Variants in EPHX2 observed in about 807,000 individuals in gnomAD.
EPHX2 encodes epoxide hydrolase 2.
EPHX2 carries 74 observed loss-of-function variants against 78.7 expected under a neutral mutation model. That is an observed-to-expected ratio of 0.94 (90% confidence interval 0.78 to 1.14). The LOEUF (loss-of-function observed/expected upper bound fraction) is 1.14, where lower values mean the gene tolerates loss of function less well. EPHX2 is among the 50% of genes most tolerant of loss of function. The pLI, the probability that EPHX2 is intolerant of heterozygous loss-of-function variation, is 0.00. For missense variants in EPHX2, 715 were observed against 702.5 expected (o/e 1.02, Z -0.20); for synonymous variants, 251 against 255.2 (o/e 0.98, Z 0.16).
chr8:27,547,296 T>G (rs1257505612), downstream of EPHX2, among the ~76,000 whole-genome samples: 1 of 152,206 alleles, frequency 6.6e-6, no homozygotes, highest in Non-Finnish European at 1.5e-5. Context: ...GGGCCACACG[T>G]CAACTGTTGC....
intron 6 of EPHX2, among the ~76,000 whole-genome samples, chr8:27,513,197 C>G (rs1814318138): frequency 6.6e-6 from 1 of 152,138 alleles, no homozygotes; most frequent in Admixed American, 6.5e-5. Context: ...AAGTGGGCAT[C>G]CAGGCACGAG....
chr8:27,543,562 A>G (rs1437686884), intron 16 of EPHX2, among the ~76,000 whole-genome samples, 187 bp from the exon 17 acceptor site: 2 of 152,056 alleles, frequency 1.3e-5, no homozygotes, highest in East Asian at 1.9e-4. Flanking sequence ...TAAGACCCAT[A>G]TTGGCCTCTG....
rs753062091 is a variant in EPHX2, at chr8:27,503,593, C to T, written c.187-11C>T. The stretch of plus-strand genomic sequence containing the variant: ...GGCCATACAAATTGTCCCCTCACTT[C>T]ACTTTGACAGTGGATACCACTCATG... On this transcript the variant is annotated splice_polypyrimidine_tract_variant and intron_variant, in intron 2 of 18. Transcript: ENST00000521400. The T allele has an allele frequency of 3.1e-6, 5 of 1,603,008 alleles. No individual in the cohort carries two copies. The Admixed American group carries it at 8.5e-5, about 27-fold the overall frequency.
chr8:27,504,636 A>C (rs892813896), intron 3 of EPHX2, among the ~76,000 whole-genome samples: 1 of 152,012 alleles, frequency 6.6e-6, no homozygotes, highest in Non-Finnish European at 1.5e-5. Flanking sequence ...GGCCCTGTCC[A>C]CCCCTGAGGT....
chr8:27,515,547 G>A lies in EPHX2; in HGVS notation c.736-171G>A, dbSNP rs573860826. 3 of 591,430 alleles carry A rather than the reference G, an allele frequency of 5.1e-6. No homozygotes were observed. In the South Asian group the frequency reaches 6.3e-5, roughly 12 times the overall value. 36.6% of individuals were successfully genotyped at this position (591,430 alleles called of 1,614,324 possible). A position where few individuals can be genotyped will look rare whatever the true frequency, so the allele number is the denominator to read the frequency against. On this transcript the variant is annotated intron_variant, in intron 6 of 18. Coordinates refer to ENST00000521400, the MANE Select transcript of EPHX2 (RefSeq NM_001979.6). ...TGTTTTTATTGAGTAGGTTGGCCAG[G>A]GCCTCTTCTCAGCCATTTTCATGTA...
chr8:27,493,669 CTTAGGAGAAGGTG>C, intron 1 of EPHX2, among the ~76,000 whole-genome samples: 1 of 151,092 alleles, frequency 6.6e-6, no homozygotes, highest in African/African-American at 2.5e-5. Flanking sequence ...AGTGTTGGGA[CTTAGGAGAAGGTG>C]CAGGTGCCTG....
intron 5 of EPHX2, 108 bp downstream of exon 5, chr8:27,507,102 C>T: frequency 7.1e-7 from 1 of 1,405,464 alleles, no homozygotes; most frequent in Non-Finnish European, 9.6e-7. Flanking sequence ...CCATGAATGA[C>T]TCCTGGGCAC....
chr8:27,529,889 CAAAAAAAAAAA>C (rs56851108), intron 12 of EPHX2, among the ~76,000 whole-genome samples: 7 of 90,322 alleles, frequency 7.8e-5, no homozygotes. Context: ...CCAGCCTGAG[CAAAAAAAAAAA>C]AAAGAAAAAG....
intron 12 of EPHX2, among the ~76,000 whole-genome samples, chr8:27,529,432 C>T (rs951578363): frequency 1.3e-5 from 2 of 152,160 alleles, no homozygotes; most frequent in Non-Finnish European, 2.9e-5. Flanking sequence ...ATACTCACAC[C>T]CCATTATGCC....
At chr8:27,534,488 TA>T (rs1815148027) in intron 12 of EPHX2, among the ~76,000 whole-genome samples, 1 of 151,902 alleles carries the variant, frequency 6.6e-6, no homozygotes, top group Non-Finnish European at 1.5e-5. Context: ...CCGTCTCTAC[TA>T]AAAATACCAA....
rs1180568821 is a variant in EPHX2 at position 27,542,817 on chromosome 8, G to GT, written c.1450-928dup. ...CCACCACACCCAGCGAATTTTTTGT[G>GT]TTTTAGTAGAGATGGGGCTTCACCA... On this transcript the variant is annotated intron_variant, in intron 16 of 18. Transcript: ENST00000521400. Among the ~76,000 whole-genome samples the GT allele has an allele frequency of 3.9e-5, 6 of 152,036 alleles. No individual in the cohort carries two copies. In the East Asian group the frequency reaches 1.2e-3, roughly 29 times the overall value.
chr8:27,497,407 G>A (rs1018179516), intron 1 of EPHX2, among the ~76,000 whole-genome samples: 1 of 152,200 alleles, frequency 6.6e-6, no homozygotes, highest in Admixed American at 6.5e-5. Context: ...GCCCTACTGG[G>A]TGATTGGCCT....
intron 6 of EPHX2, among the ~76,000 whole-genome samples, chr8:27,514,517 A>C (rs1814377837): frequency 6.6e-6 from 1 of 152,204 alleles, no homozygotes; most frequent in African/African-American, 2.4e-5. Context: ...CATAACAGTC[A>C]AGGCTGGTTA....
At chr8:27,538,951 A>G (rs1815302192) in intron 14 of EPHX2, 1 of 503,770 alleles carries the variant, frequency 2.0e-6, no homozygotes, top group Admixed American at 3.3e-5. Flanking sequence ...GAGCTTGTCC[A>G]GGGCAAAATC....
intron 1 of EPHX2, 92 bp downstream of exon 1, chr8:27,491,401 T>G: frequency 1.0e-6 from 1 of 961,498 alleles, no homozygotes; most frequent in Non-Finnish European, 1.4e-6. Flanking sequence ...ATTGCTCCTG[T>G]GCCGGAGCCC....
chr8:27,546,143 AAAG>A (rs1243985537), downstream of EPHX2, among the ~76,000 whole-genome samples: 3 of 151,916 alleles, frequency 2.0e-5, no homozygotes, highest in Non-Finnish European at 1.5e-5. Context: ...AAAAAAAAAA[AAAG>A]AGAAGTTCTC....
intron 13 of EPHX2, among the ~76,000 whole-genome samples, chr8:27,537,477 T>A (rs1815250304): frequency 6.6e-6 from 1 of 152,236 alleles, no homozygotes; most frequent in Non-Finnish European, 1.5e-5. Flanking sequence ...TATTTTCTTT[T>A]AGAAACTTCT....
intron 17 of EPHX2, 105 bp from the exon 18 acceptor site, chr8:27,544,081 G>A: frequency 7.5e-7 from 1 of 1,334,096 alleles, no homozygotes; most frequent in Non-Finnish European, 1.1e-6. Context: ...TGGGCAGGGT[G>A]GCCTGCGGGG....
chr8:27,533,711 C>T (rs1362671829), intron 12 of EPHX2, among the ~76,000 whole-genome samples: 2 of 152,138 alleles, frequency 1.3e-5, no homozygotes, highest in African/African-American at 2.4e-5. Flanking sequence ...CCTCATTCTC[C>T]CTAGTAGCTG....
Sources: allele counts gnomAD v4.1 joint callset (sites outside exome capture counted in the v4.1 genomes callset), GRCh38; gene constraint gnomAD v4.1.1; transcripts MANE v1.5; gene names NCBI Gene and HGNC (gene_info 2026-07-23, HGNC 2026-07-21).